DMRT1: variants seen among roughly 807,000 people sequenced by gnomAD.
The protein encoded by DMRT1 is doublesex- and mab-3-related transcription factor 1.
Under a neutral mutation model 32.3 loss-of-function variants are expected in DMRT1, and 7 were observed. The observed-to-expected ratio is 0.22, with a 90% CI of 0.12 to 0.41. The LOEUF (loss-of-function observed/expected upper bound fraction) is 0.41, where lower values mean the gene tolerates loss of function less well. Ranked by LOEUF, DMRT1 falls within the 10% of genes least tolerant of loss-of-function variation. The probability of loss-of-function intolerance (pLI) is 1.00; values close to 1 mark genes in which losing one functional copy is unlikely to be tolerated. For synonymous variants in DMRT1, 278 were observed against 206.1 expected (o/e 1.35, Z -2.99); for missense variants, 625 against 500.5 (o/e 1.25, Z -2.37).
intron 3 of DMRT1, among the ~76,000 whole-genome samples, chr9:909,816 G>A (rs1039547142): frequency 6.6e-6 from 1 of 152,164 alleles, no homozygotes; most frequent in South Asian, 2.1e-4. Context: ...GGGCTTAAGC[G>A]ATCCTCCCAC....
chr9:965,946 AG>A lies in DMRT1; in HGVS notation c.968-2037del, dbSNP rs1249631379. Among the ~76,000 whole-genome samples the A allele has an allele frequency of 2.0e-5, 3 of 152,188 alleles. No homozygotes were observed. Among genetic ancestry groups the A allele is most frequent in the Non-Finnish European group, 4.4e-5 (3 of 68,034 alleles). ...TCACTAAAGTATGTGTGTGGCATAC[AG>A]GTAGTAGTCAGTAATGTTTACTGTT... On this transcript the variant is annotated intron_variant, in intron 4 of 4. Coordinates refer to ENST00000382276, the MANE Select transcript of DMRT1 (RefSeq NM_021951.3). This position sits in a 1 kb window ranked among gnomAD's most constrained non-coding sequence, Gnocchi z 4.5.
chr9:885,742 C>T (rs1816902599), intron 2 of DMRT1, among the ~76,000 whole-genome samples: 1 of 152,080 alleles, frequency 6.6e-6, no homozygotes, highest in African/African-American at 2.4e-5. Context: ...TCAGCTAGTC[C>T]ATGGGCACAG....
At chr9:858,542 ACT>A (rs1225090262) in intron 2 of DMRT1, among the ~76,000 whole-genome samples, 2 of 151,278 alleles carry the variant, frequency 1.3e-5, no homozygotes, top group African/African-American at 2.4e-5. Context: ...ATTTTTAAAA[ACT>A]CTCTTTTATT....
chr9:852,237 G>A (rs1589448773), intron 2 of DMRT1, among the ~76,000 whole-genome samples: 2 of 151,560 alleles, frequency 1.3e-5, no homozygotes, highest in African/African-American at 2.4e-5. Context: ...GTGCCTGGCC[G>A]CAGGTACACT....
intron 3 of DMRT1, 78 bp downstream of exon 3, chr9:894,273 A>G: frequency 6.7e-7 from 1 of 1,485,560 alleles, no homozygotes; most frequent in Non-Finnish European, 9.4e-7. Flanking sequence ...ACATACACAC[A>G]GAGGCACACA....
chr9:885,893 C>A (rs1816909319), intron 2 of DMRT1, among the ~76,000 whole-genome samples: 1 of 152,184 alleles, frequency 6.6e-6, no homozygotes, highest in African/African-American at 2.4e-5. Flanking sequence ...AGCACATTCT[C>A]TTGGAAAGAG....
At chr9:889,599 C>G (rs1025930751) in intron 2 of DMRT1, among the ~76,000 whole-genome samples, 1 of 152,214 alleles carries the variant, frequency 6.6e-6, no homozygotes, top group Non-Finnish European at 1.5e-5. Flanking sequence ...TGAAGCCATT[C>G]TCTTGTTACC....
chr9:926,901 C>G (rs902874091), intron 4 of DMRT1, among the ~76,000 whole-genome samples: 2 of 152,216 alleles, frequency 1.3e-5, no homozygotes, highest in Admixed American at 1.3e-4. Context: ...GTGGGTACAT[C>G]ACAAATCATC....
chr9:873,304 A>G (rs1229198946), intron 2 of DMRT1, among the ~76,000 whole-genome samples: 1 of 146,164 alleles, frequency 6.8e-6, no homozygotes, highest in African/African-American at 2.5e-5. Flanking sequence ...ACACATTTCT[A>G]TAAGCATTTT....
At chr9:925,994 T>G (rs1410453411) in intron 4 of DMRT1, among the ~76,000 whole-genome samples, 2 of 152,182 alleles carry the variant, frequency 1.3e-5, no homozygotes, top group Non-Finnish European at 2.9e-5. Flanking sequence ...ATGTTCTATT[T>G]GCAGGGACTA....
chr9:904,010 C>T (rs577913186), intron 3 of DMRT1, among the ~76,000 whole-genome samples: 2 of 152,314 alleles, frequency 1.3e-5, no homozygotes, highest in African/African-American at 4.8e-5. Flanking sequence ...AAGAAATCCC[C>T]TGTAAAGTGC....
In DMRT1 at chr9:872,187, G is replaced by A. The variant is rs368190449; in HGVS notation, c.539-21725G>A. Among the ~76,000 whole-genome samples, 146 of 150,900 alleles carry A rather than the reference G, an allele frequency of 9.7e-4. 7 individuals carry two copies. Among genetic ancestry groups the A allele is most frequent in the African/African-American group, 3.5e-3 (141 of 40,450 alleles). On this transcript the variant is annotated intron_variant, in intron 2 of 4. Transcript: ENST00000382276. ...AGGGATTCTCCTGCCTGAGCCTCCC[G>A]AGTAGCTGGGATTACAGGCGCCCGC...
intron 4 of DMRT1, among the ~76,000 whole-genome samples, chr9:918,238 AT>A (rs2129783544): frequency 6.6e-6 from 1 of 152,382 alleles, no homozygotes; most frequent in South Asian, 2.1e-4. Flanking sequence ...TGTCTGCACA[AT>A]TTGGGGATGA....
chr9:963,679 G>A (rs996072273), intron 4 of DMRT1, among the ~76,000 whole-genome samples: 11 of 152,138 alleles, frequency 7.2e-5, no homozygotes, highest in East Asian at 5.8e-4. Flanking sequence ...GCCAAGCTTC[G>A]GACAGCTAAG....
intron 4 of DMRT1, among the ~76,000 whole-genome samples, chr9:935,000 C>G (rs187434360): frequency 2.0e-4 from 30 of 152,252 alleles, no homozygotes; most frequent in Non-Finnish European, 3.8e-4. Flanking sequence ...TCCTACAGTT[C>G]TGAAATAAAG....
At chr9:960,336 G>A (rs1476039301) in intron 4 of DMRT1, among the ~76,000 whole-genome samples, 7 of 152,226 alleles carry the variant, frequency 4.6e-5, no homozygotes, top group African/African-American at 7.2e-5. Context: ...GGTGTTGGGT[G>A]TGTTGTCACT....
rs1483686665 is a variant in DMRT1, at chr9:965,854, T to G, written c.968-2131T>G. On this transcript the variant is annotated intron_variant, in intron 4 of 4. Transcript: ENST00000382276. The surrounding 1 kb of genome is among the most constrained non-coding windows in gnomAD (Gnocchi z 4.5). ...CAGTACAGTGCTGCCCTTGACAGCT[T>G]GCACAGGATCCCTGTGTTAAACGGG... is the stretch of plus-strand genomic sequence containing the variant. Among the ~76,000 whole-genome samples, 2 of 152,210 alleles carry G rather than the reference T, an allele frequency of 1.3e-5. No homozygotes were observed. The highest frequency in any genetic ancestry group is 4.8e-5 in the African/African-American group (2 of 41,456).
intron 3 of DMRT1, among the ~76,000 whole-genome samples, chr9:912,432 A>G (rs1818022899): frequency 6.6e-6 from 1 of 152,232 alleles, no homozygotes; most frequent in Non-Finnish European, 1.5e-5. Context: ...TTGGGGATTC[A>G]TTAAGGATAG....
intron 2 of DMRT1, among the ~76,000 whole-genome samples, chr9:871,774 G>A (rs1175522322): frequency 2.0e-5 from 3 of 151,084 alleles, no homozygotes; most frequent in African/African-American, 7.4e-5. Flanking sequence ...GTGCCTGGCC[G>A]GCCTAGTCTT....
Sources: allele counts gnomAD v4.1 joint callset (sites outside exome capture counted in the v4.1 genomes callset), GRCh38; gene constraint gnomAD v4.1.1; non-coding constraint Gnocchi (gnomAD v3.1); transcripts MANE v1.5; gene names NCBI Gene and HGNC (gene_info 2026-07-23, HGNC 2026-07-21).